The following KPNA5 variants were observed in gnomAD, a reference collection of about 807,000 sequenced individuals.
KPNA5 encodes importin subunit alpha-6.
KPNA5 carries 46 observed loss-of-function variants against 71.3 expected under a neutral mutation model. The ratio of observed to expected loss-of-function variants is 0.65; its 90% confidence interval spans 0.51 to 0.83. The LOEUF is 0.83. KPNA5 is among the 40% of genes least tolerant of loss of function. The pLI, the probability that KPNA5 is intolerant of heterozygous loss-of-function variation, is 0.00. For missense variants in KPNA5, 547 were observed against 628.3 expected (o/e 0.87, Z 1.38); for synonymous variants, 207 against 201.4 (o/e 1.03, Z -0.24).
In KPNA5 at chr6:116,735,097, A is replaced by G. The variant is rs564768420; in HGVS notation, c.*2774A>G. The G allele has an allele frequency of 4.6e-5, 7 of 151,854 alleles. No homozygotes were observed. The East Asian group carries it at 1.4e-3, about 29-fold the overall frequency. 9.4% of individuals were successfully genotyped at this position (151,854 alleles called of 1,614,324 possible). A position where few individuals can be genotyped will look rare whatever the true frequency, so the allele number is the denominator to read the frequency against. On this transcript the variant is annotated 3_prime_UTR_variant, in exon 14 of 14. Transcript: ENST00000368564. ...TGTTTTATTTCAAAACGTTGTTTTA[A>G]GTGATAGTGTCCTTAAATTTTAGTG...
intron 8 of KPNA5, among the ~76,000 whole-genome samples, chr6:116,717,885 G>GC (rs138946289): frequency 0.018 from 2,778 of 151,256 alleles, 71 homozygotes; most frequent in South Asian, 0.061. Flanking sequence ...CCAATAGTGT[G>GC]CCCCCCCCAC....
At chr6:116,691,333 G>T (rs148418909) in intron 2 of KPNA5, among the ~76,000 whole-genome samples, 1,834 of 152,268 alleles carry the variant, frequency 0.012, 18 homozygotes, top group Non-Finnish European at 0.018. Context: ...TGCCCAGGTT[G>T]CCCTCCAATT....
At position 116,692,147 on chromosome 6, in the gene KPNA5, C is replaced by T; in HGVS notation, c.231C>T (p.Pro77=). The change falls in exon 3 of 14, where the codon CCC becomes CCT. Residue 77 remains proline, a synonymous_variant. Transcript: ENST00000368564. ...IQDPDISSTV[P]IPEEEVVTTD... ...ATCCAGATATTAGTTCCACTGTACC[C>T]ATTCCAGAGGTATACTTTACCAAAA... is the stretch of plus-strand genomic sequence containing the variant. The T allele has an allele frequency of 6.3e-7, 1 of 1,599,596 alleles. No homozygotes were observed. The highest frequency in any genetic ancestry group is 1.3e-5 in the African/African-American group (1 of 74,694).
intron 9 of KPNA5, among the ~76,000 whole-genome samples, chr6:116,723,857 A>G (rs1187729106): frequency 6.6e-6 from 1 of 152,162 alleles, no homozygotes; most frequent in Non-Finnish European, 1.5e-5. Context: ...TGGGAAAACA[A>G]TAATGGTAAA....
chr6:116,686,854 C>A (rs1777608607), intron 1 of KPNA5, among the ~76,000 whole-genome samples: 1 of 151,944 alleles, frequency 6.6e-6, no homozygotes, highest in Non-Finnish European at 1.5e-5. Context: ...AGGTGTGTGG[C>A]CTTATTTATG....
At chr6:116,720,169 C>T (rs572849534) in intron 8 of KPNA5, among the ~76,000 whole-genome samples, 3 of 152,290 alleles carry the variant, frequency 2.0e-5, no homozygotes, top group South Asian at 2.1e-4. Flanking sequence ...CACCGTTTCC[C>T]CTGCTGTCTG....
At chr6:116,696,611 C>A (rs927470619) in intron 4 of KPNA5, among the ~76,000 whole-genome samples, 1 of 152,010 alleles carries the variant, frequency 6.6e-6, no homozygotes, top group African/African-American at 2.4e-5. Context: ...AATCACAAAC[C>A]ATCCTTTTCT....
intron 13 of KPNA5, among the ~76,000 whole-genome samples, chr6:116,731,519 G>C (rs561806917): frequency 5.3e-5 from 8 of 152,196 alleles, no homozygotes; most frequent in Admixed American, 1.3e-4. Context: ...CCAGACTTAC[G>C]TGTAGAGCTT....
chr6:116,715,779 G>C (rs1778861948), intron 7 of KPNA5, among the ~76,000 whole-genome samples: 1 of 152,154 alleles, frequency 6.6e-6, no homozygotes, highest in African/African-American at 2.4e-5. Context: ...ATCCAGGCGT[G>C]GTGGCAGGCG....
chr6:116,703,585 C>A (rs767491357), intron 6 of KPNA5, among the ~76,000 whole-genome samples: 2 of 151,988 alleles, frequency 1.3e-5, no homozygotes, highest in Non-Finnish European at 2.9e-5. Flanking sequence ...TTTTAAAGCT[C>A]TTACTATGTA....
intron 8 of KPNA5, among the ~76,000 whole-genome samples, chr6:116,718,101 G>C (rs887453445): frequency 6.6e-6 from 1 of 151,966 alleles, no homozygotes; most frequent in African/African-American, 2.4e-5. Context: ...ATTCCTAGTG[G>C]GTGGGGGAGC....
chr6:116,725,951 C>A, intron 11 of KPNA5, 75 bp downstream of exon 11: 1 of 1,476,800 alleles, frequency 6.8e-7, no homozygotes, highest in Non-Finnish European at 9.1e-7. Flanking sequence ...AACACTTTTA[C>A]TAAAAAAGAT....
rs1779504656 is a variant in KPNA5, at chr6:116,732,072, GTTTATATATATATATATATATATATATA to G, written c.1433-62_1433-35del. 5.8e-5 allele frequency: 4 copies of G among 69,542 alleles called. 1 individual carries two copies. The highest frequency in any genetic ancestry group is 1.0e-4 in the Non-Finnish European group (4 of 38,800). 4.3% of individuals were successfully genotyped at this position (69,542 alleles called of 1,614,324 possible). On this transcript the variant is annotated intron_variant, in intron 13 of 13. Transcript: ENST00000368564. ...TATACTGAAATTGTAGTAACAGTTT[GTTTATATATATATATATATATATATATA>G]TATATATATATATATATATATACTT...
rs1030410407 is a variant in KPNA5 at position 116,735,103 on chromosome 6, A to G, written c.*2780A>G. On this transcript the variant is annotated 3_prime_UTR_variant, in exon 14 of 14. Coordinates refer to ENST00000368564, the MANE Select transcript of KPNA5 (RefSeq NM_001366306.2). ...ATTTCAAAACGTTGTTTTAAGTGAT[A>G]GTGTCCTTAAATTTTAGTGTCATTT... is the stretch of plus-strand genomic sequence containing the variant. The G allele has an allele frequency of 2.0e-5, 3 of 151,772 alleles. No individual in the cohort carries two copies. Among genetic ancestry groups the G allele is most frequent in the Admixed American group, 6.6e-5 (1 of 15,174 alleles). The allele number at this position is 151,772 out of a possible 1,614,324, so 9.4% of individuals were successfully genotyped here.
chr6:116,689,522 T>G, intron 2 of KPNA5, 69 bp downstream of exon 2: 1 of 1,268,560 alleles, frequency 7.9e-7, no homozygotes, highest in East Asian at 2.7e-5. Context: ...TGGATAATTT[T>G]AAATGGAAAT....
At position 116,734,051 on chromosome 6, in the gene KPNA5, G is replaced by A. The variant is rs1779586771; in HGVS notation, c.*1728G>A. ...AGATTGTATCTGTGCCCCTTTTTTC[G>A]TAGTGGAAGGTATATAGCCGAGTAT... On this transcript the variant is annotated 3_prime_UTR_variant, in exon 14 of 14. Transcript: ENST00000368564. The A allele has an allele frequency of 2.0e-5, 3 of 151,482 alleles. No individual in the cohort carries two copies. Among genetic ancestry groups the A allele is most frequent in the East Asian group, 1.9e-4 (1 of 5,182 alleles). 9.4% of individuals were successfully genotyped at this position (151,482 alleles called of 1,614,324 possible).
At chr6:116,696,265 CTGAT>C in intron 4 of KPNA5, among the ~76,000 whole-genome samples, 1 of 152,166 alleles carries the variant, frequency 6.6e-6, no homozygotes, top group East Asian at 1.9e-4. Context: ...TTTTCTTTCA[CTGAT>C]TGATGTGAGT....
intron 8 of KPNA5, 96 bp from the exon 9 acceptor site, chr6:116,722,030 T>C: frequency 1.1e-6 from 1 of 896,900 alleles, no homozygotes; most frequent in East Asian, 2.8e-5. Flanking sequence ...TTTTATAACA[T>C]TAAATTTTTG....
chr6:116,735,898 T>G lies in KPNA5; in HGVS notation c.*3575T>G, dbSNP rs1779654262. The stretch of plus-strand genomic sequence containing the variant: ...ATTACTAATGATTTAAACATGCCAA[T>G]TAAAGTGCAGAGGTTATCAGTTTTA... On this transcript the variant is annotated 3_prime_UTR_variant, in exon 14 of 14. Transcript: ENST00000368564. The G allele has an allele frequency of 6.6e-6, 1 of 151,734 alleles. No individual in the cohort carries two copies. Among genetic ancestry groups the G allele is most frequent in the Non-Finnish European group, 1.5e-5 (1 of 67,752 alleles). 9.4% of individuals were successfully genotyped at this position (151,734 alleles called of 1,614,324 possible).
Sources: allele counts gnomAD v4.1 joint callset (sites outside exome capture counted in the v4.1 genomes callset), GRCh38; gene constraint gnomAD v4.1.1; transcripts MANE v1.5; gene names NCBI Gene and HGNC (gene_info 2026-07-23, HGNC 2026-07-21).